The following CTNND2 variants were observed in gnomAD, a reference collection of about 807,000 sequenced individuals.
The protein encoded by CTNND2 is catenin delta 2.
In CTNND2, 22 loss-of-function variants were observed where a neutral mutation model predicts 144.4. The observed-to-expected ratio is 0.15, with a 90% CI of 0.11 to 0.22. The LOEUF (loss-of-function observed/expected upper bound fraction) is 0.22. Ranked by LOEUF, CTNND2 falls within the 10% of genes least tolerant of loss-of-function variation. The probability of loss-of-function intolerance (pLI) is 1.00; values close to 1 mark genes in which losing one functional copy is unlikely to be tolerated. For synonymous variants in CTNND2, 751 were observed against 695.6 expected (o/e 1.08, Z -1.25); for missense variants, 1,353 against 1,618.8 (o/e 0.84, Z 2.82).
intron 3 of CTNND2, among the ~76,000 whole-genome samples, chr5:11,554,045 A>G (rs1295304165): frequency 6.6e-6 from 1 of 152,194 alleles, no homozygotes; most frequent in Non-Finnish European, 1.5e-5. Flanking sequence ...TTCTTTGAAC[A>G]GCTGACTATT....
intron 3 of CTNND2, among the ~76,000 whole-genome samples, chr5:11,435,911 G>T (rs1377400329): frequency 6.6e-6 from 1 of 152,152 alleles, no homozygotes; most frequent in Non-Finnish European, 1.5e-5. Context: ...ACATTTCTTG[G>T]TTGCTTGAGT....
At chr5:11,327,927 G>T (rs916608720) in intron 9 of CTNND2, among the ~76,000 whole-genome samples, 4 of 152,184 alleles carry the variant, frequency 2.6e-5, no homozygotes, top group African/African-American at 9.6e-5. Flanking sequence ...GTTTTGGTCA[G>T]TCTAGTGTTT....
At chr5:11,560,149 T>C (rs1421009018) in intron 3 of CTNND2, among the ~76,000 whole-genome samples, 1 of 152,208 alleles carries the variant, frequency 6.6e-6, no homozygotes, top group Non-Finnish European at 1.5e-5. Flanking sequence ...GTACAATTCT[T>C]CAAAGAGTAC....
At chr5:11,687,277 C>T (rs1219708809) in intron 2 of CTNND2, among the ~76,000 whole-genome samples, 2 of 152,212 alleles carry the variant, frequency 1.3e-5, no homozygotes, top group African/African-American at 2.4e-5. Context: ...TCACATGTAC[C>T]CAACTGCATT....
At chr5:11,115,658 T>G (rs999012753) in intron 13 of CTNND2, among the ~76,000 whole-genome samples, 1 of 152,230 alleles carries the variant, frequency 6.6e-6, no homozygotes, top group Non-Finnish European at 1.5e-5. Context: ...GAATGCTTAC[T>G]CTTTGTTACA....
chr5:11,381,973 A>C (rs915284619), intron 7 of CTNND2, among the ~76,000 whole-genome samples: 8 of 145,408 alleles, frequency 5.5e-5, no homozygotes, highest in African/African-American at 2.0e-4. Context: ...TCTCAAAAAA[A>C]CAAAAAAACA....
At chr5:11,562,155 T>C (rs1458394189) in intron 3 of CTNND2, among the ~76,000 whole-genome samples, 1 of 152,222 alleles carries the variant, frequency 6.6e-6, no homozygotes, top group African/African-American at 2.4e-5. Context: ...CTACCTCTTA[T>C]ATACAAATAT....
intron 1 of CTNND2, among the ~76,000 whole-genome samples, chr5:11,842,194 T>C (rs1465207485): frequency 6.6e-6 from 1 of 151,970 alleles, no homozygotes; most frequent in Non-Finnish European, 1.5e-5. Flanking sequence ...TGAAGGATGG[T>C]ATTGTGTAAA....
intron 3 of CTNND2, among the ~76,000 whole-genome samples, chr5:11,482,644 T>C (rs2149978386): frequency 6.6e-6 from 1 of 151,886 alleles, no homozygotes; most frequent in African/African-American, 2.4e-5. Context: ...TAGAGATGGC[T>C]GGAAGGAGGG....
At chr5:11,846,709 T>C (rs541030393) in intron 1 of CTNND2, among the ~76,000 whole-genome samples, 4 of 152,244 alleles carry the variant, frequency 2.6e-5, no homozygotes, top group African/African-American at 4.8e-5. Flanking sequence ...AAGGGGCTGA[T>C]AGCCAGAACT....
chr5:11,180,881 C>A (rs116330856), intron 11 of CTNND2, among the ~76,000 whole-genome samples: 375 of 152,354 alleles, frequency 2.5e-3, no homozygotes, highest in African/African-American at 8.5e-3. Flanking sequence ...GAGTTGATGT[C>A]TCTGTCCTCT....
chr5:11,342,565 A>C (rs1046630169), intron 9 of CTNND2, among the ~76,000 whole-genome samples: 1 of 152,244 alleles, frequency 6.6e-6, no homozygotes, highest in East Asian at 1.9e-4. Flanking sequence ...AGTGTACACC[A>C]AGGATTACAA....
At chr5:11,553,747 A>G (rs1775976546) in intron 3 of CTNND2, among the ~76,000 whole-genome samples, 1 of 152,206 alleles carries the variant, frequency 6.6e-6, no homozygotes. Flanking sequence ...AAATAAATTC[A>G]TAAAGATTTC....
intron 2 of CTNND2, among the ~76,000 whole-genome samples, chr5:11,691,270 C>T (rs1412975542): frequency 6.6e-6 from 1 of 151,886 alleles, no homozygotes; most frequent in East Asian, 1.9e-4. Context: ...ACTCGGGAGG[C>T]TGAGGCAGAA....
At chr5:11,771,841 T>A (rs538003131) in intron 1 of CTNND2, among the ~76,000 whole-genome samples, 1 of 147,722 alleles carries the variant, frequency 6.8e-6, no homozygotes, top group Admixed American at 6.6e-5. Context: ...TGGGTTAGGA[T>A]CATTGCCTTA....
intron 2 of CTNND2, among the ~76,000 whole-genome samples, chr5:11,640,853 A>C (rs1423409478): frequency 1.3e-5 from 2 of 152,186 alleles, no homozygotes; most frequent in Admixed American, 6.5e-5. Context: ...TCTTGGACAG[A>C]GCTTCTGAAG....
At chr5:11,734,940 G>A (rs1230545842) in intron 1 of CTNND2, among the ~76,000 whole-genome samples, 1 of 152,102 alleles carries the variant, frequency 6.6e-6, no homozygotes, top group African/African-American at 2.4e-5. Flanking sequence ...GAATAGCACT[G>A]AAAAAGTAAA....
intron 3 of CTNND2, among the ~76,000 whole-genome samples, chr5:11,420,382 C>T (rs747712122): frequency 2.6e-5 from 4 of 152,118 alleles, no homozygotes; most frequent in Non-Finnish European, 5.9e-5. Flanking sequence ...GGAACAAAGA[C>T]CTTTATATTG....
At chr5:11,693,727 C>T (rs111817415) in intron 2 of CTNND2, among the ~76,000 whole-genome samples, 3,325 of 152,192 alleles carry the variant, frequency 0.022, 45 homozygotes, top group East Asian at 0.057. Flanking sequence ...AATAATTTCC[C>T]CTAAGCTTAA....
Sources: allele counts gnomAD v4.1 joint callset (sites outside exome capture counted in the v4.1 genomes callset), GRCh38; gene constraint gnomAD v4.1.1; transcripts MANE v1.5; gene names NCBI Gene and HGNC (gene_info 2026-07-23, HGNC 2026-07-21).